The following PGC variants were observed in gnomAD, a reference collection of about 807,000 sequenced individuals.
PGC encodes gastricsin.
PGC carries 31 observed loss-of-function variants against 45.9 expected under a neutral mutation model. That is an observed-to-expected ratio of 0.67 (90% CI 0.51 to 0.91). The LOEUF is 0.91. PGC is among the 40% of genes least tolerant of loss of function. The probability of loss-of-function intolerance (pLI) is 0.00; values close to 1 mark genes in which losing one functional copy is unlikely to be tolerated. For missense variants in PGC, 477 were observed against 493.2 expected (o/e 0.97, Z 0.31); for synonymous variants, 192 against 201.8 (o/e 0.95, Z 0.41).
intron 5 of PGC, 34 bp from the exon 6 acceptor site, chr6:41,740,644 G>A: frequency 1.9e-6 from 3 of 1,566,068 alleles, no homozygotes; most frequent in East Asian, 2.3e-5. Flanking sequence ...AAGTCAGGGA[G>A]TGCCATGGAA....
intron 7 of PGC, among the ~76,000 whole-genome samples, chr6:41,738,091 A>G (rs1487645705): frequency 1.5e-5 from 2 of 131,158 alleles, no homozygotes; most frequent in Non-Finnish European, 3.4e-5. Flanking sequence ...TAAAGATCGA[A>G]CCTCTGCTCT....
chr6:41,744,546 G>C lies in PGC; in HGVS notation c.211-32C>G. ...GCCATGGAGCAAGCTGTTAGTTCCA[G>C]AGGGATCCAGGGGCCCCAGGCTCCT... On this transcript the variant is annotated intron_variant, in intron 2 of 8. Transcript: ENST00000373025. This position sits in a 1 kb window ranked among gnomAD's most constrained non-coding sequence, Gnocchi z 4.4. 6.3e-7 allele frequency: 1 copy of C among 1,595,340 alleles called. No homozygotes were observed. Among genetic ancestry groups the C allele is most frequent in the Non-Finnish European group, 8.6e-7 (1 of 1,165,406 alleles).
At position 41,744,854 on chromosome 6, in the gene PGC, C is replaced by A; in HGVS notation, c.60-46G>T. On this transcript the variant is annotated intron_variant, in intron 1 of 8. Coordinates refer to ENST00000373025, the MANE Select transcript of PGC (RefSeq NM_002630.4). The surrounding 1 kb of genome is among the most constrained non-coding windows in gnomAD (Gnocchi z 4.4). ...AGGCAAGGCCCTCCCTCCTTCCTCTCTTCCCACTCCTCTCTTTCTCTCTCT... is the reference window on the plus strand; with the variant it reads ...AGGCAAGGCCCTCCCTCCTTCCTCTATTCCCACTCCTCTCTTTCTCTCTCT... 2.0e-6 allele frequency: 3 copies of A among 1,532,310 alleles called. No individual in the cohort carries two copies. Among genetic ancestry groups the A allele is most frequent in the East Asian group, 2.3e-5 (1 of 43,152 alleles). 94.9% of individuals were successfully genotyped at this position (1,532,310 alleles called of 1,614,324 possible).
In PGC at chr6:41,742,309, A is replaced by T; in HGVS notation, c.628T>A (p.Phe210Ile). 1 of 1,613,992 alleles carries T rather than the reference A, an allele frequency of 6.2e-7. No homozygotes were observed. Among genetic ancestry groups the T allele is most frequent in the Non-Finnish European group, 8.5e-7 (1 of 1,179,978 alleles). ...GCTCACTTGCTGAGGTAGACGCTGA[A>T]GACGGGGCTGGTGAGGGCGCCCTCC... Reference protein sequence around the residue: ...VQEGALTSPVFSVYLSNQQGS... With the variant: ...VQEGALTSPVISVYLSNQQGS... Residue 210 changes from phenylalanine to isoleucine, a missense_variant, in exon 5 of 9, where the codon TTC (phenylalanine) becomes ATC (isoleucine). Transcript: ENST00000373025.
intron 7 of PGC, 86 bp downstream of exon 7, chr6:41,739,713 C>T (rs887631754): frequency 7.2e-7 from 1 of 1,397,212 alleles, no homozygotes; most frequent in Non-Finnish European, 9.7e-7. Flanking sequence ...GCCACGGCGC[C>T]CAGCTGGCTA....
In PGC at chr6:41,745,645, G is replaced by A. The variant is rs559200343; in HGVS notation, c.60-837C>T. Reference sequence around the variant, plus strand: ...GCTCACCTCAACTTCCACCTCCCGAGTTCAAGCTATTCTTCTGCCTCAGCC... The same window carrying A: ...GCTCACCTCAACTTCCACCTCCCGAATTCAAGCTATTCTTCTGCCTCAGCC... On this transcript the variant is annotated intron_variant, in intron 1 of 8. Coordinates refer to ENST00000373025, the MANE Select transcript of PGC (RefSeq NM_002630.4). 5.4e-4 allele frequency among the ~76,000 whole-genome samples: 81 copies of A among 151,036 alleles called. No individual in the cohort carries two copies. In the South Asian group the frequency reaches 0.016, roughly 30 times the overall value.
At chr6:41,746,456 A>G (rs1274416818) in intron 1 of PGC, among the ~76,000 whole-genome samples, 1 of 152,124 alleles carries the variant, frequency 6.6e-6, no homozygotes, top group African/African-American at 2.4e-5. Flanking sequence ...TTTCTGTCCC[A>G]TCCTATGGGC....
intron 1 of PGC, among the ~76,000 whole-genome samples, chr6:41,745,607 T>A (rs1373990050): frequency 1.3e-5 from 2 of 149,108 alleles, no homozygotes; most frequent in Non-Finnish European, 1.5e-5. Flanking sequence ...TGGAGTGCAA[T>A]GGCTTGATCT....
chr6:41,745,109 T>C (rs1444641473), intron 1 of PGC, among the ~76,000 whole-genome samples: 1 of 152,094 alleles, frequency 6.6e-6, no homozygotes, highest in Non-Finnish European at 1.5e-5. Flanking sequence ...AACCATTCAT[T>C]TCACCATGCA....
intron 7 of PGC, 46 bp downstream of exon 7, chr6:41,739,753 T>A (rs1057146993): frequency 1.3e-6 from 2 of 1,568,070 alleles, no homozygotes; most frequent in Non-Finnish European, 1.7e-6. Context: ...CATGAATGCC[T>A]CTGGAGTAGC....
chr6:41,742,198 C>G, intron 5 of PGC, 92 bp downstream of exon 5: 1 of 1,219,828 alleles, frequency 8.2e-7, no homozygotes, highest in South Asian at 1.3e-5. Context: ...GGGATGCCTC[C>G]AAACCCCAAA....
At chr6:41,738,135 T>TATATATATACATATATATATAC (rs1561879556) in intron 7 of PGC, among the ~76,000 whole-genome samples, 4 of 99,640 alleles carry the variant, frequency 4.0e-5, no homozygotes, top group South Asian at 3.1e-4. Flanking sequence ...TATATATGCA[T>TATATATATACATATATATATAC]ATATATATGC....
chr6:41,744,679 G>A lies in PGC; in HGVS notation c.189C>T (p.Tyr63=), dbSNP rs751295439. 2.5e-5 allele frequency: 40 copies of A among 1,614,016 alleles called. No homozygotes were observed. The highest frequency in any genetic ancestry group is 3.3e-4 in the Middle Eastern group (2 of 6,084). The part of the protein sequence containing the change: ...KYRFGDLSVT[Y]EPMAYMDAAY... Reference sequence around the variant, plus strand: ...TCACATCCATGTAGGCCATGGGCTCGTAGGTCACGCTGAGGTCACCAAAGC... The same window carrying A: ...TCACATCCATGTAGGCCATGGGCTCATAGGTCACGCTGAGGTCACCAAAGC... Residue 63 remains tyrosine (Y), a synonymous_variant, in exon 2 of 9, where the codon TAC becomes TAT. Transcript: ENST00000373025. This position sits in a 1 kb window ranked among gnomAD's most constrained non-coding sequence, Gnocchi z 4.4.
chr6:41,742,248 G>A, intron 5 of PGC, 42 bp downstream of exon 5: 2 of 1,575,282 alleles, frequency 1.3e-6, no homozygotes, highest in South Asian at 1.1e-5. Flanking sequence ...GGCGGCCGGG[G>A]GAGCATCCCG....
chr6:41,740,416 G>A (rs879791786), intron 6 of PGC, 75 bp downstream of exon 6: 4 of 1,225,106 alleles, frequency 3.3e-6, no homozygotes, highest in Admixed American at 4.8e-5. Context: ...GTGCCAGACT[G>A]TGTGTGTGTG....
intron 1 of PGC, among the ~76,000 whole-genome samples, chr6:41,745,674 T>C (rs954859637): frequency 2.0e-5 from 3 of 151,344 alleles, no homozygotes; most frequent in African/African-American, 7.3e-5. Flanking sequence ...CTCAGCCTCC[T>C]GAGTAGCTGG....
At position 41,744,319 on chromosome 6, in the gene PGC, C is replaced by CTGGAAGTT. The variant is rs1186914732; in HGVS notation, c.328+70_328+77dup. ...AGCTCCCCTCAGTCCTGAGCTCCCT[C>CTGGAAGTT]TGGAAGTTTGGCCCTCCCCAGAGGG... is the stretch of plus-strand genomic sequence containing the variant. On this transcript the variant is annotated intron_variant, in intron 3 of 8. Coordinates refer to ENST00000373025, the MANE Select transcript of PGC (RefSeq NM_002630.4). The surrounding 1 kb of genome is among the most constrained non-coding windows in gnomAD (Gnocchi z 4.4). 2 of 989,688 alleles carry CTGGAAGTT rather than the reference C, an allele frequency of 2.0e-6. No individual in the cohort carries two copies. The highest frequency in any genetic ancestry group is 3.1e-6 in the Non-Finnish European group (2 of 644,448). The allele number at this position is 989,688 out of a possible 1,614,324, so 61.3% of individuals were successfully genotyped here.
intron 5 of PGC, chr6:41,741,100 C>T (rs763002754): frequency 1.1e-5 from 17 of 1,537,066 alleles, no homozygotes; most frequent in East Asian, 2.4e-5. Flanking sequence ...ATCCCCACCC[C>T]GGCCCAGCTT....
intron 1 of PGC, among the ~76,000 whole-genome samples, chr6:41,745,796 G>A (rs1485033781): frequency 4.0e-5 from 6 of 151,530 alleles, no homozygotes; most frequent in South Asian, 2.1e-4. Flanking sequence ...TGATCCGCCC[G>A]CCTTGGCCTC....
Sources: allele counts gnomAD v4.1 joint callset (sites outside exome capture counted in the v4.1 genomes callset), GRCh38; gene constraint gnomAD v4.1.1; non-coding constraint Gnocchi (gnomAD v3.1); transcripts MANE v1.5; gene names NCBI Gene and HGNC (gene_info 2026-07-23, HGNC 2026-07-21).